The following TRAPPC9 variants were observed in gnomAD, a reference collection of about 807,000 sequenced individuals.
TRAPPC9 encodes the protein IKK2 binding protein.
Under a neutral mutation model 124.0 loss-of-function variants are expected in TRAPPC9, and 83 were observed. That is an observed-to-expected ratio of 0.67 (90% CI 0.56 to 0.80). The LOEUF (loss-of-function observed/expected upper bound fraction) is 0.80. TRAPPC9 is among the 30% of genes least tolerant of loss of function. TRAPPC9 has a pLI of 0.00. For synonymous variants in TRAPPC9, 638 were observed against 617.5 expected (o/e 1.03, Z -0.49); for missense variants, 1,302 against 1,508.3 (o/e 0.86, Z 2.27).
At chr8:140,266,694 TA>T (rs1229294155) in intron 15 of TRAPPC9, among the ~76,000 whole-genome samples, 9 of 151,322 alleles carry the variant, frequency 5.9e-5, no homozygotes, top group African/African-American at 2.2e-4. Flanking sequence ...CCATCTCTAC[TA>T]AAAAATACAA....
chr8:139,832,523 G>C (rs973244796), intron 21 of TRAPPC9, among the ~76,000 whole-genome samples: 5 of 152,194 alleles, frequency 3.3e-5, no homozygotes, highest in Non-Finnish European at 2.9e-5. Flanking sequence ...GGCCCAGCAG[G>C]AGGACCATGC....
chr8:139,932,179 G>A (rs1833189764), intron 19 of TRAPPC9: 3 of 395,516 alleles, frequency 7.6e-6, no homozygotes, highest in South Asian at 3.7e-5. Flanking sequence ...TTACAGGGAG[G>A]AACAAGGAGA....
At chr8:140,022,343 G>A (rs889326485) in intron 18 of TRAPPC9, among the ~76,000 whole-genome samples, 19 of 152,106 alleles carry the variant, frequency 1.2e-4, no homozygotes, top group Admixed American at 3.3e-4. Flanking sequence ...CCAAGAGCAG[G>A]GAAAAGAACC....
intron 21 of TRAPPC9, among the ~76,000 whole-genome samples, chr8:139,865,264 A>G (rs1563874268): frequency 6.6e-6 from 1 of 152,218 alleles, no homozygotes; most frequent in Non-Finnish European, 1.5e-5. Flanking sequence ...TCCCATGTCC[A>G]TGCGTTCTGG....
intron 7 of TRAPPC9, among the ~76,000 whole-genome samples, chr8:140,382,699 G>GGCCT (rs951261334): frequency 1.3e-5 from 2 of 152,186 alleles, no homozygotes; most frequent in Non-Finnish European, 2.9e-5. Context: ...AGCTCAAGGA[G>GGCCT]GCCTGCCTGC....
intron 17 of TRAPPC9, chr8:140,039,791 A>G (rs908451913): frequency 1.3e-5 from 2 of 152,226 alleles, no homozygotes; most frequent in Non-Finnish European, 2.9e-5. Context: ...GGGCTGTATG[A>G]GGCACCTAAT....
At chr8:140,194,372 T>C (rs1008070354) in intron 17 of TRAPPC9, among the ~76,000 whole-genome samples, 2 of 151,944 alleles carry the variant, frequency 1.3e-5, no homozygotes, top group Admixed American at 1.3e-4. Flanking sequence ...CCCATGCACA[T>C]CCTTCTGTAT....
chr8:140,454,983 C>A (rs1339884027), intron 1 of TRAPPC9, among the ~76,000 whole-genome samples: 1 of 150,616 alleles, frequency 6.6e-6, no homozygotes, highest in African/African-American at 2.4e-5. Context: ...GTTCTGGTAT[C>A]TGAGACTAAG....
At chr8:140,372,320 T>C (rs192959240) in intron 7 of TRAPPC9, among the ~76,000 whole-genome samples, 37 of 152,312 alleles carry the variant, frequency 2.4e-4, no homozygotes, top group Non-Finnish European at 3.7e-4. Flanking sequence ...TTTCTGTGAG[T>C]ACAGAGCCTT....
At chr8:140,429,391 T>C (rs2070550237) in intron 4 of TRAPPC9, among the ~76,000 whole-genome samples, 2 of 151,898 alleles carry the variant, frequency 1.3e-5, no homozygotes, top group Non-Finnish European at 2.9e-5. Flanking sequence ...CCTGGCCAAC[T>C]GCCAGGATTT....
At chr8:139,834,752 G>A (rs1037313305) in intron 21 of TRAPPC9, among the ~76,000 whole-genome samples, 8 of 152,226 alleles carry the variant, frequency 5.3e-5, no homozygotes, top group African/African-American at 1.4e-4. Context: ...TCCTTGCCAT[G>A]TCCAAGTTCA....
At chr8:140,183,386 T>C (rs1009589477) in intron 17 of TRAPPC9, among the ~76,000 whole-genome samples, 4 of 152,186 alleles carry the variant, frequency 2.6e-5, no homozygotes, top group Admixed American at 6.5e-5. Flanking sequence ...AGTCCAATGA[T>C]ACAATCAAAG....
chr8:140,351,355 A>G (rs1396397339), intron 9 of TRAPPC9, among the ~76,000 whole-genome samples: 1 of 146,830 alleles, frequency 6.8e-6, no homozygotes, highest in Non-Finnish European at 1.5e-5. Flanking sequence ...AAAAAATTGC[A>G]TCTGTGCTGA....
At chr8:140,067,275 C>T (rs1296696404) in intron 17 of TRAPPC9, among the ~76,000 whole-genome samples, 1 of 152,310 alleles carries the variant, frequency 6.6e-6, no homozygotes, top group Non-Finnish European at 1.5e-5. Flanking sequence ...TCCCAAGTAG[C>T]TGGGACTACA....
intron 17 of TRAPPC9, among the ~76,000 whole-genome samples, chr8:140,136,364 G>A (rs1310309419): frequency 2.0e-5 from 3 of 152,170 alleles, no homozygotes; most frequent in Non-Finnish European, 4.4e-5. Flanking sequence ...TGCCTGGCAG[G>A]CACAAGCAGG....
chr8:140,237,043 T>C lies in TRAPPC9; in HGVS notation c.2432-15460A>G, dbSNP rs191430349. Among the ~76,000 whole-genome samples the C allele has an allele frequency of 1.5e-3, 228 of 152,112 alleles. 1 individual carries two copies. The highest frequency in any genetic ancestry group is 5.3e-3 in the African/African-American group (221 of 41,484). On this transcript the variant is annotated intron_variant, in intron 16 of 22. Coordinates refer to ENST00000438773, the MANE Select transcript of TRAPPC9 (RefSeq NM_001160372.4). ...TAAAAATAAAAAAATTAGCTGAGCG[T>C]GGTGACACACGCATGTAGTCCCAGC...
intron 17 of TRAPPC9, among the ~76,000 whole-genome samples, chr8:140,036,665 C>T (rs1041261894): frequency 3.2e-4 from 48 of 151,990 alleles, no homozygotes; most frequent in Non-Finnish European, 4.4e-5. Flanking sequence ...GGGGAGAAGT[C>T]GGGCTGAAGA....
At chr8:140,367,750 A>G (rs2068162892) in intron 8 of TRAPPC9, among the ~76,000 whole-genome samples, 1 of 152,182 alleles carries the variant, frequency 6.6e-6, no homozygotes, top group Admixed American at 6.5e-5. Context: ...TGATGTGTCA[A>G]CATAGGTTCA....
At chr8:139,993,600 C>T (rs998097585) in intron 18 of TRAPPC9, among the ~76,000 whole-genome samples, 13 of 152,094 alleles carry the variant, frequency 8.5e-5, no homozygotes, top group African/African-American at 1.4e-4. Context: ...AATGCAACAT[C>T]ATTTATAAAA....
Sources: gnomAD v4.1 joint callset for allele counts (sites outside exome capture counted in the v4.1 genomes callset) on GRCh38, gnomAD v4.1.1 for gene constraint, MANE v1.5 for transcripts, NCBI Gene and HGNC (gene_info 2026-07-23, HGNC 2026-07-21) for gene names.